Variants in DLGAP1 observed in about 807,000 individuals in gnomAD.
DLGAP1 encodes DLG associated protein 1.
DLGAP1 carries 11 observed loss-of-function variants against 90.8 expected under a neutral mutation model. The ratio of observed to expected loss-of-function variants is 0.12; its 90% CI spans 0.08 to 0.20. The LOEUF is 0.20. DLGAP1 is among the 10% of genes least tolerant of loss of function. DLGAP1 has a pLI of 1.00. For synonymous variants in DLGAP1, 558 were observed against 540.7 expected, an observed-to-expected ratio of 1.03 and a Z score of -0.44; for missense variants, 1,050 against 1,333.8, an observed-to-expected ratio of 0.79 and a Z score of 3.31.
intron 1 of DLGAP1, among the ~76,000 whole-genome samples, chr18:4,261,304 C>T (rs1009163163): frequency 1.3e-5 from 2 of 150,796 alleles, no homozygotes; most frequent in Admixed American, 6.7e-5. Context: ...AGTGATCACA[C>T]GCAGCACTCA....
At chr18:4,017,833 A>T (rs1292220748) in intron 2 of DLGAP1, among the ~76,000 whole-genome samples, 1 of 151,730 alleles carries the variant, frequency 6.6e-6, no homozygotes, top group East Asian at 1.9e-4. Context: ...CAGTAAGTCT[A>T]CCTAAAGCCT....
rs546560591 is a variant in DLGAP1, at chr18:3,647,777, T to G, written c.1592-65529A>C. Among the ~76,000 whole-genome samples the G allele has an allele frequency of 5.9e-5, 9 of 152,298 alleles. No homozygotes were observed. In the South Asian group the frequency reaches 1.0e-3, roughly 18 times the overall value. On this transcript the variant is annotated intron_variant, in intron 7 of 12. Transcript: ENST00000315677. Reference sequence around the variant, plus strand: ...ACCACGCCCGGTCTATTTAAGCTTCTTAATCAACTGGAGTGCTAAGTAGCA... The same window carrying G: ...ACCACGCCCGGTCTATTTAAGCTTCGTAATCAACTGGAGTGCTAAGTAGCA...
intron 7 of DLGAP1, among the ~76,000 whole-genome samples, chr18:3,624,942 G>A (rs901554696): frequency 1.3e-5 from 2 of 152,050 alleles, no homozygotes; most frequent in African/African-American, 4.8e-5. Context: ...GCGGTTTCCC[G>A]CAGATGCTCC....
intron 7 of DLGAP1, chr18:3,596,966 TC>T (rs773237094): frequency 7.7e-6 from 4 of 519,924 alleles, no homozygotes; most frequent in South Asian, 5.6e-5. Flanking sequence ...CCACCCGATG[TC>T]CCCCATTCTC....
intron 1 of DLGAP1, among the ~76,000 whole-genome samples, chr18:4,318,923 A>G (rs890691598): frequency 2.6e-5 from 4 of 152,208 alleles, no homozygotes; most frequent in African/African-American, 9.6e-5. Flanking sequence ...CAAAAGATCT[A>G]TTGTACAACA....
chr18:4,131,203 T>C (rs200965936), intron 2 of DLGAP1, among the ~76,000 whole-genome samples: 1 of 151,202 alleles, frequency 6.6e-6, no homozygotes, highest in African/African-American at 2.5e-5. Context: ...TGGGCGTGTG[T>C]GTGTGTGTGC....
At chr18:4,365,502 T>C (rs1345837796) in intron 1 of DLGAP1, among the ~76,000 whole-genome samples, 1 of 152,118 alleles carries the variant, frequency 6.6e-6, no homozygotes, top group Admixed American at 6.5e-5. Context: ...TGTAACCCTA[T>C]AAACGTACAT....
chr18:4,236,015 C>G (rs2078407689), intron 1 of DLGAP1, among the ~76,000 whole-genome samples: 1 of 152,100 alleles, frequency 6.6e-6, no homozygotes, highest in African/African-American at 2.4e-5. Flanking sequence ...CATGAGCCAC[C>G]ATGCCTGGCC....
chr18:4,057,276 C>G (rs2075234484), intron 2 of DLGAP1, among the ~76,000 whole-genome samples: 1 of 152,186 alleles, frequency 6.6e-6, no homozygotes, highest in African/African-American at 2.4e-5. Context: ...GATAAGATCT[C>G]AGGAGTTGAA....
intron 2 of DLGAP1, among the ~76,000 whole-genome samples, chr18:4,105,865 C>G (rs560317060): frequency 6.6e-6 from 1 of 151,768 alleles, no homozygotes; most frequent in Non-Finnish European, 1.5e-5. Flanking sequence ...CCCGTCTCTA[C>G]TAAAAATACA....
At chr18:3,580,236 A>G in intron 8 of DLGAP1, 1 of 1,601,170 alleles carries the variant, frequency 6.2e-7, no homozygotes, top group Non-Finnish European at 8.6e-7. Context: ...CAGGTGAACC[A>G]TCTGAAAAGA....
At chr18:4,146,203 C>T (rs1050495199) in intron 2 of DLGAP1, among the ~76,000 whole-genome samples, 33 of 152,200 alleles carry the variant, frequency 2.2e-4, no homozygotes, top group African/African-American at 7.7e-4. Flanking sequence ...TACCAGATGC[C>T]GGATTTATTT....
At chr18:4,014,301 T>G (rs2074483483) in intron 2 of DLGAP1, among the ~76,000 whole-genome samples, 3 of 152,066 alleles carry the variant, frequency 2.0e-5, no homozygotes, top group Admixed American at 2.0e-4. Context: ...GGCCAGATGG[T>G]CTCGATCTCT....
chr18:3,763,721 T>C (rs1283663366), intron 5 of DLGAP1, among the ~76,000 whole-genome samples: 1 of 151,802 alleles, frequency 6.6e-6, no homozygotes, highest in Non-Finnish European at 1.5e-5. Flanking sequence ...TGGAGTGCAA[T>C]GGCGTGATCT....
In DLGAP1 at chr18:3,660,767, A is replaced by G. The variant is rs1349463368; in HGVS notation, c.1591+68368T>C. On this transcript the variant is annotated intron_variant, in intron 7 of 12. Transcript: ENST00000315677. This position sits in a 1 kb window ranked among gnomAD's most constrained non-coding sequence, Gnocchi z 4.2. ...TTCCAATATTGGCAAGGTATCTGAC[A>G]AGTAAGTTTATTGGCTACTTGGAGA... 6.6e-6 allele frequency among the ~76,000 whole-genome samples: 1 copy of G among 152,246 alleles called. No homozygotes were observed. Among genetic ancestry groups the G allele is most frequent in the Non-Finnish European group, 1.5e-5 (1 of 68,052 alleles).
At chr18:4,255,863 T>C (rs1038322465) in intron 1 of DLGAP1, among the ~76,000 whole-genome samples, 1 of 152,200 alleles carries the variant, frequency 6.6e-6, no homozygotes, top group African/African-American at 2.4e-5. Context: ...AGATATTTTA[T>C]CTAGAAAATT....
At position 3,636,950 on chromosome 18, in the gene DLGAP1, C is replaced by T. The variant is rs1165637426; in HGVS notation, c.1592-54702G>A. Among the ~76,000 whole-genome samples, 5 of 149,782 alleles carry T rather than the reference C, an allele frequency of 3.3e-5. 1 individual carries two copies. The highest frequency in any genetic ancestry group is 7.4e-5 in the Non-Finnish European group (5 of 67,628). ...ATGTTGGCCAGGATGGTCTCGATCTCCTGACCTCATGATCCACCCGCCTCG... is the reference window on the plus strand; with the variant it reads ...ATGTTGGCCAGGATGGTCTCGATCTTCTGACCTCATGATCCACCCGCCTCG... On this transcript the variant is annotated intron_variant, in intron 7 of 12. Coordinates refer to ENST00000315677, the MANE Select transcript of DLGAP1 (RefSeq NM_004746.4).
intron 1 of DLGAP1, among the ~76,000 whole-genome samples, chr18:4,152,708 C>A (rs988243520): frequency 6.6e-6 from 1 of 152,166 alleles, no homozygotes; most frequent in African/African-American, 2.4e-5. Context: ...ACAGGAGGAA[C>A]ACTTGACTTT....
chr18:3,996,902 T>C (rs2074082573), intron 3 of DLGAP1, among the ~76,000 whole-genome samples: 1 of 152,108 alleles, frequency 6.6e-6, no homozygotes. Flanking sequence ...AGATATCAAA[T>C]CTATGATTTT....
Sources: gnomAD v4.1 joint callset for allele counts (sites outside exome capture counted in the v4.1 genomes callset) on GRCh38, gnomAD v4.1.1 for gene constraint, Gnocchi (gnomAD v3.1) non-coding constraint, MANE v1.5 for transcripts, NCBI Gene and HGNC (gene_info 2026-07-23, HGNC 2026-07-21) for gene names.